The following STK32A variants were observed in gnomAD, a reference collection of about 807,000 sequenced individuals.
STK32A encodes serine/threonine kinase 32A, also known as serine/threonine-protein kinase 32A.
STK32A carries 41 observed loss-of-function variants against 53.2 expected under a neutral mutation model. The observed-to-expected ratio is 0.77, with a 90% confidence interval of 0.60 to 1.00. STK32A has a LOEUF of 1.00. Ranked by LOEUF, STK32A falls within the 50% of genes least tolerant of loss-of-function variation. The probability of loss-of-function intolerance (pLI) is 0.00; values close to 1 mark genes in which losing one functional copy is unlikely to be tolerated. For missense variants in STK32A, 458 were observed against 485.8 expected, an observed-to-expected ratio of 0.94 and a Z score of 0.54; for synonymous variants, 166 against 162.8, an observed-to-expected ratio of 1.02 and a Z score of -0.15.
At chr5:147,265,717 G>C (rs17106345) in intron 2 of STK32A, among the ~76,000 whole-genome samples, 44,962 of 151,716 alleles carry the variant, frequency 0.3, 7,023 homozygotes, top group African/African-American at 0.36. Flanking sequence ...ATGAATGTTT[G>C]TTGGTTTGAC....
intron 4 of STK32A, among the ~76,000 whole-genome samples, chr5:147,307,331 T>G (rs1189751620): frequency 6.6e-6 from 1 of 151,988 alleles, no homozygotes; most frequent in Non-Finnish European, 1.5e-5. Flanking sequence ...TTTAAGAAAT[T>G]TTTGTCTGGC....
chr5:147,354,707 C>T (rs1027277690), intron 7 of STK32A, among the ~76,000 whole-genome samples: 4 of 152,034 alleles, frequency 2.6e-5, no homozygotes, highest in African/African-American at 7.2e-5. Flanking sequence ...ATAATTTGGC[C>T]GAGATCACAT....
At chr5:147,249,877 C>T (rs1206973680) in intron 2 of STK32A, among the ~76,000 whole-genome samples, 1 of 134,506 alleles carries the variant, frequency 7.4e-6, no homozygotes. Flanking sequence ...CTACTGCACT[C>T]CAGCCTGGGC....
downstream of STK32A, among the ~76,000 whole-genome samples, chr5:147,388,690 G>A (rs1323525015): frequency 6.6e-6 from 1 of 152,102 alleles, no homozygotes. Flanking sequence ...AAGTTATTTG[G>A]AACCAGAGGG....
rs1045865356 is a variant in STK32A, at chr5:147,386,902, T to G, written c.*2919T>G. The G allele has an allele frequency of 2.0e-5, 3 of 152,340 alleles. No homozygotes were observed. Among genetic ancestry groups the G allele is most frequent in the Non-Finnish European group, 2.9e-5 (2 of 68,032 alleles). 9.4% of individuals were successfully genotyped at this position (152,340 alleles called of 1,614,324 possible). On this transcript the variant is annotated 3_prime_UTR_variant, in exon 13 of 13. Transcript: ENST00000397936. ...GTCATTGCTAGTTGTTGACATCAGA[T>G]CCTTTGGTTTTATTCTATAACTTGG...
intron 6 of STK32A, chr5:147,348,773 A>G: frequency 1.3e-6 from 1 of 750,702 alleles, no homozygotes; most frequent in East Asian, 2.5e-5. Context: ...TTGCAAAACT[A>G]CACTGAAGTT....
At chr5:147,362,525 G>A (rs1226364401) in intron 8 of STK32A, among the ~76,000 whole-genome samples, 2 of 152,112 alleles carry the variant, frequency 1.3e-5, no homozygotes, top group Non-Finnish European at 2.9e-5. Flanking sequence ...ATCAAATTGA[G>A]GGTTAAGGCT....
intron 2 of STK32A, among the ~76,000 whole-genome samples, chr5:147,255,697 A>G (rs11167975): frequency 0.3 from 46,313 of 152,036 alleles, 7,301 homozygotes; most frequent in African/African-American, 0.37. Flanking sequence ...AGGCTATTTT[A>G]TTTTGCCAAG....
At chr5:147,304,451 G>C (rs1407474024) in intron 4 of STK32A, among the ~76,000 whole-genome samples, 1 of 152,162 alleles carries the variant, frequency 6.6e-6, no homozygotes, top group African/African-American at 2.4e-5. Context: ...TGAATAGGCA[G>C]TAAGTGAATC....
rs569720596 is a variant in STK32A at position 147,314,532 on chromosome 5, A to C, written c.261-9366A>C. ...CAAAAAAAAACAAAAAAAAACAAAA[A>C]AAAAAAAAGAACAAAGATTTCTTCC... On this transcript the variant is annotated intron_variant, in intron 4 of 12. Transcript: ENST00000397936. 3.8e-4 allele frequency among the ~76,000 whole-genome samples: 50 copies of C among 130,796 alleles called. 3 individuals are homozygous for C. The highest frequency in any genetic ancestry group is 1.5e-3 in the East Asian group (7 of 4,538). 85.8% of individuals were successfully genotyped at this position (130,796 alleles called of 152,430 possible). A position where few individuals can be genotyped will look rare whatever the true frequency, so the allele number is the denominator to read the frequency against.
At chr5:147,334,509 T>C (rs1215580185) in intron 5 of STK32A, among the ~76,000 whole-genome samples, 1 of 152,190 alleles carries the variant, frequency 6.6e-6, no homozygotes, top group African/African-American at 2.4e-5. Flanking sequence ...GAGTCCTGAC[T>C]TTTTCCATAA....
intron 5 of STK32A, among the ~76,000 whole-genome samples, chr5:147,341,626 T>C (rs370618084): frequency 6.6e-6 from 1 of 152,120 alleles, no homozygotes. Context: ...GGACTATAAG[T>C]ACACACCACT....
the STK32A span, among the ~76,000 whole-genome samples, chr5:147,400,395 T>A: frequency 6.6e-6 from 1 of 152,152 alleles, no homozygotes; most frequent in Non-Finnish European, 1.5e-5. Context: ...AAGAATTAAC[T>A]CACTATTATT....
chr5:147,399,076 C>A, the STK32A span: 2 of 1,613,782 alleles, frequency 1.2e-6, no homozygotes, highest in Admixed American at 3.3e-5. Context: ...CCAGAGCGGG[C>A]CTTACAGACT....
At chr5:147,401,576 G>A in the STK32A span, 1 of 1,613,630 alleles carries the variant, frequency 6.2e-7, no homozygotes, top group South Asian at 1.1e-5. Context: ...CGGAGTAGTT[G>A]GGTCAGGGCT....
At chr5:147,397,672 C>G in the STK32A span, 2 of 1,613,354 alleles carry the variant, frequency 1.2e-6, no homozygotes, top group East Asian at 4.5e-5. Flanking sequence ...TTACCTTCCT[C>G]CGTGCTTTAA....
At position 147,323,970 on chromosome 5, in the gene STK32A, C is replaced by T. The variant is rs1581094309; in HGVS notation, c.333C>T (p.His111=). 1 of 1,613,400 alleles carries T rather than the reference C, an allele frequency of 6.2e-7. No homozygotes were observed. The highest frequency in any genetic ancestry group is 8.5e-7 in the Non-Finnish European group (1 of 1,179,718). ...TGCTGGGTGGAGACCTGCGTTATCA[C>T]CTGCAACAGAACGTCCACTTCAAGG... ...DLLLGGDLRY[H]LQQNVHFKEE... Residue 111 remains histidine, a synonymous_variant, in exon 5 of 13, where the codon CAC becomes CAT. Transcript: ENST00000397936.
At chr5:147,330,193 G>T (rs1754798373) in intron 5 of STK32A, among the ~76,000 whole-genome samples, 1 of 152,168 alleles carries the variant, frequency 6.6e-6, no homozygotes, top group African/African-American at 2.4e-5. Context: ...CTCTTCTGGA[G>T]GCTGAACTGG....
chr5:147,389,786 G>A (rs1012834935), downstream of STK32A, among the ~76,000 whole-genome samples: 2 of 152,096 alleles, frequency 1.3e-5, no homozygotes, highest in Admixed American at 6.6e-5. Flanking sequence ...CAGGAGAATC[G>A]CTTCAACCCA....
Sources: gnomAD v4.1 joint callset for allele counts (sites outside exome capture counted in the v4.1 genomes callset) on GRCh38, gnomAD v4.1.1 for gene constraint, MANE v1.5 for transcripts, NCBI Gene and HGNC (gene_info 2026-07-23, HGNC 2026-07-21) for gene names.